Variants in MSI2 observed in about 807,000 individuals in gnomAD.
The protein encoded by MSI2 is musashi RNA binding protein 2.
A neutral mutation model predicts 45.6 loss-of-function variants in MSI2; 17 were observed. That is an observed-to-expected ratio of 0.37 (90% CI 0.26 to 0.56). The LOEUF (loss-of-function observed/expected upper bound fraction) is 0.56, where lower values mean the gene tolerates loss of function less well. Ranked by LOEUF, MSI2 falls within the 20% of genes least tolerant of loss-of-function variation. The probability of loss-of-function intolerance (pLI) is 0.77; values close to 1 mark genes in which losing one functional copy is unlikely to be tolerated. For missense variants in MSI2, 293 were observed against 444.2 expected (o/e 0.66, Z 3.06); for synonymous variants, 156 against 158.2 (o/e 0.99, Z 0.11).
intron 6 of MSI2, chr17:57,448,141 C>T (rs1349352035): frequency 6.6e-6 from 1 of 152,200 alleles, no homozygotes; most frequent in Non-Finnish European, 1.5e-5. Context: ...TCCTTCTAGC[C>T]TTGCTGAAAG....
intron 5 of MSI2, among the ~76,000 whole-genome samples, chr17:57,376,327 G>A (rs1393060753): frequency 6.6e-6 from 1 of 152,150 alleles, no homozygotes; most frequent in Non-Finnish European, 1.5e-5. Flanking sequence ...TCTTGCTCAG[G>A]GCCAAGTAGC....
In MSI2 at chr17:57,321,780, C is replaced by T. The variant is rs973171372; in HGVS notation, c.312+59588C>T. On this transcript the variant is annotated intron_variant, in intron 5 of 13. Transcript: ENST00000284073. ...AATCCTTTTGTGTTGGGCTGGGCAA[C>T]TTTGCCATGGATTTAAACAAATTTT... 3.3e-5 allele frequency among the ~76,000 whole-genome samples: 5 copies of T among 152,106 alleles called. No individual in the cohort carries two copies. In the South Asian group the frequency reaches 1.0e-3, roughly 32 times the overall value.
At chr17:57,276,520 A>T (rs1406814711) in intron 5 of MSI2, among the ~76,000 whole-genome samples, 4 of 152,198 alleles carry the variant, frequency 2.6e-5, no homozygotes, top group Admixed American at 6.5e-5. Context: ...TTCTGGGTTT[A>T]AAAGCCAAAG....
At chr17:57,537,689 G>A (rs935216031) in intron 7 of MSI2, among the ~76,000 whole-genome samples, 3 of 152,092 alleles carry the variant, frequency 2.0e-5, no homozygotes, top group African/African-American at 4.8e-5. Context: ...CGCCCATTCC[G>A]GCGCTGTCTC....
chr17:57,452,251 T>G (rs566535466), intron 6 of MSI2, among the ~76,000 whole-genome samples: 24 of 152,340 alleles, frequency 1.6e-4, no homozygotes, highest in African/African-American at 5.8e-4. Flanking sequence ...GCAATGCATC[T>G]TGCAGCCCTC....
At chr17:57,526,524 C>G (rs2086706213) in intron 6 of MSI2, among the ~76,000 whole-genome samples, 1 of 151,854 alleles carries the variant, frequency 6.6e-6, no homozygotes, top group Non-Finnish European at 1.5e-5. Flanking sequence ...TTGACTCACA[C>G]AAGCCGCTTC....
At chr17:57,563,872 G>A (rs747141980) in intron 7 of MSI2, among the ~76,000 whole-genome samples, 4 of 151,416 alleles carry the variant, frequency 2.6e-5, no homozygotes, top group Non-Finnish European at 4.4e-5. Flanking sequence ...CAGGCCCTCC[G>A]CCCTCCCTAA....
chr17:57,473,886 C>T (rs2085487773), intron 6 of MSI2, among the ~76,000 whole-genome samples: 2 of 152,214 alleles, frequency 1.3e-5, no homozygotes, highest in Admixed American at 6.5e-5. Flanking sequence ...CAGCCTTCCG[C>T]TTAGCCCCAG....
At chr17:57,438,760 C>A (rs564707014) in intron 6 of MSI2, among the ~76,000 whole-genome samples, 1 of 151,580 alleles carries the variant, frequency 6.6e-6, no homozygotes, top group Admixed American at 6.6e-5. Flanking sequence ...CCCAGTCTGA[C>A]CGGAGCCTAG....
chr17:57,673,593 T>G (rs183876925), intron 11 of MSI2, among the ~76,000 whole-genome samples: 8 of 152,330 alleles, frequency 5.3e-5, no homozygotes, highest in Admixed American at 5.2e-4. Context: ...AAAATATTGT[T>G]TTCCATTTTG....
intron 5 of MSI2, among the ~76,000 whole-genome samples, chr17:57,339,826 ATGGTCTG>A (rs1567767155): frequency 6.6e-6 from 1 of 152,018 alleles, no homozygotes; most frequent in Non-Finnish European, 1.5e-5. Context: ...CCAGCTTCCC[ATGGTCTG>A]TGCTTAGGGT....
rs1598525455 is a variant in MSI2, at chr17:57,684,023, AC to A, written c.*4508del. 1 of 227,608 alleles carries A rather than the reference AC, an allele frequency of 4.4e-6. No homozygotes were observed. The highest frequency in any genetic ancestry group is 2.2e-5 in the African/African-American group (1 of 44,932). The allele number at this position is 227,608 out of a possible 1,614,324, so 14.1% of individuals were successfully genotyped here. A position where few individuals can be genotyped will look rare whatever the true frequency, so the allele number is the denominator to read the frequency against. On this transcript the variant is annotated 3_prime_UTR_variant, in exon 14 of 14. Transcript: ENST00000284073. ...CTTGTCGGGGACCTGCAGGGGGGCA[AC>A]CTTAATCCAAACACCTGGCTATCAA...
At chr17:57,396,287 T>C (rs909082041) in intron 5 of MSI2, among the ~76,000 whole-genome samples, 1 of 152,128 alleles carries the variant, frequency 6.6e-6, no homozygotes, top group Non-Finnish European at 1.5e-5. Flanking sequence ...ATGAATATCT[T>C]TAGGCCAGTG....
intron 7 of MSI2, among the ~76,000 whole-genome samples, chr17:57,569,081 AG>A: frequency 6.9e-6 from 1 of 144,002 alleles, no homozygotes; most frequent in East Asian, 2.4e-4. Flanking sequence ...TGGCAAGGCT[AG>A]GGTGGGGAGG....
chr17:57,697,875 A>T, the MSI2 span, among the ~76,000 whole-genome samples: 1 of 152,256 alleles, frequency 6.6e-6, no homozygotes, highest in Admixed American at 6.5e-5. Context: ...GCTACAATTC[A>T]ATATGAGATT....
At chr17:57,679,054 T>C (rs947940865) in intron 13 of MSI2, among the ~76,000 whole-genome samples, 3 of 152,266 alleles carry the variant, frequency 2.0e-5, no homozygotes, top group Non-Finnish European at 4.4e-5. Flanking sequence ...GTTTTTGGTA[T>C]ATGATATGAT....
chr17:57,695,608 A>G, the MSI2 span, among the ~76,000 whole-genome samples: 40 of 152,082 alleles, frequency 2.6e-4, no homozygotes, highest in African/African-American at 9.2e-4. Flanking sequence ...TCATCAGGAA[A>G]CCAGAAGCAG....
intron 10 of MSI2, among the ~76,000 whole-genome samples, chr17:57,650,090 T>C (rs1911018472): frequency 6.6e-6 from 1 of 152,162 alleles, no homozygotes; most frequent in African/African-American, 2.4e-5. Context: ...GGATTTCCTT[T>C]CTTGGATAAG....
chr17:57,418,599 T>G (rs2084338628), intron 6 of MSI2, among the ~76,000 whole-genome samples: 1 of 152,234 alleles, frequency 6.6e-6, no homozygotes, highest in African/African-American at 2.4e-5. Context: ...AGGTGCTCTG[T>G]GTGGACGTGG....
Sources: allele counts gnomAD v4.1 joint callset (sites outside exome capture counted in the v4.1 genomes callset), GRCh38; gene constraint gnomAD v4.1.1; transcripts MANE v1.5; gene names NCBI Gene and HGNC (gene_info 2026-07-23, HGNC 2026-07-21).